Variants in EYS observed in about 807,000 individuals in gnomAD.
EYS encodes EGF-like photoreceptor maintenance factor.
In EYS, 250 loss-of-function variants were observed where a neutral mutation model predicts 282.1. The ratio of observed to expected loss-of-function variants is 0.89; its 90% CI spans 0.80 to 0.98. The LOEUF (loss-of-function observed/expected upper bound fraction) is 0.98, where lower values mean the gene tolerates loss of function less well. Among genes scored for constraint, EYS ranks in the 50% least tolerant of loss-of-function variants. The pLI is 0.00. For synonymous variants in EYS, 1,355 were observed against 1,282.9 expected (o/e 1.06, Z -1.20); for missense variants, 4,016 against 3,709.0 (o/e 1.08, Z -2.15).
intron 33 of EYS, among the ~76,000 whole-genome samples, chr6:64,062,712 A>G (rs957419721): frequency 2.7e-5 from 4 of 149,764 alleles, no homozygotes; most frequent in Non-Finnish European, 4.4e-5. Context: ...AAAAAAAAAG[A>G]AGAAGAAACT....
intron 31 of EYS, among the ~76,000 whole-genome samples, chr6:64,172,488 T>C (rs769317561): frequency 5.3e-5 from 8 of 152,172 alleles, no homozygotes; most frequent in Non-Finnish European, 8.8e-5. Context: ...GAATATAAAC[T>C]GGTGCAGGTG....
intron 13 of EYS, among the ~76,000 whole-genome samples, chr6:65,003,176 A>C (rs1031766935): frequency 2.7e-5 from 4 of 147,726 alleles, no homozygotes; most frequent in African/African-American, 9.7e-5. Context: ...GGAGAAATAT[A>C]GCTGAATTCT....
intron 22 of EYS, among the ~76,000 whole-genome samples, chr6:64,690,205 C>G (rs1394065840): frequency 2.6e-5 from 4 of 151,990 alleles, no homozygotes; most frequent in Non-Finnish European, 4.4e-5. Context: ...GACATTTATG[C>G]AGCCAACAAA....
intron 37 of EYS, among the ~76,000 whole-genome samples, chr6:63,794,686 T>C (rs964496810): frequency 6.6e-6 from 1 of 152,192 alleles, no homozygotes; most frequent in Non-Finnish European, 1.5e-5. Flanking sequence ...CTTTGGGAAA[T>C]ATATGAGCAA....
intron 12 of EYS, among the ~76,000 whole-genome samples, chr6:65,209,796 T>C (rs565147): frequency 0.024 from 3,690 of 152,016 alleles, 134 homozygotes; most frequent in African/African-American, 0.085. Context: ...GCTAACAATT[T>C]CAGAGACCTA....
At chr6:64,107,285 TTATATATATATATATA>T (rs55756711) in intron 31 of EYS, among the ~76,000 whole-genome samples, 6 of 101,508 alleles carry the variant, frequency 5.9e-5, no homozygotes, top group Non-Finnish European at 8.0e-5. Flanking sequence ...ATATATATAT[TTATATATATATATATA>T]TATATATATA....
chr6:65,663,865 T>TA, intron 1 of EYS, among the ~76,000 whole-genome samples: 1 of 119,094 alleles, frequency 8.4e-6, no homozygotes, highest in South Asian at 2.6e-4. Context: ...TTTTTTCTTT[T>TA]CTTTTTTTTT....
chr6:65,160,522 T>C (rs1203630839), intron 12 of EYS, among the ~76,000 whole-genome samples: 1 of 150,798 alleles, frequency 6.6e-6, no homozygotes, highest in Non-Finnish European at 1.5e-5. Flanking sequence ...TATCTTTTGT[T>C]TGACTACTTG....
intron 35 of EYS, among the ~76,000 whole-genome samples, chr6:63,867,960 A>G (rs1296364105): frequency 6.6e-6 from 1 of 152,184 alleles, no homozygotes; most frequent in African/African-American, 2.4e-5. Context: ...GATGGGCATT[A>G]GTTATTATTG....
intron 35 of EYS, among the ~76,000 whole-genome samples, chr6:63,866,090 G>T (rs1772665322): frequency 6.6e-6 from 1 of 152,114 alleles, no homozygotes; most frequent in South Asian, 2.1e-4. Context: ...CCCCTAAGAT[G>T]GTTATAAAGT....
chr6:63,867,181 CA>C (rs1253530841), intron 35 of EYS, among the ~76,000 whole-genome samples: 3 of 152,126 alleles, frequency 2.0e-5, no homozygotes, highest in Middle Eastern at 3.2e-3. Context: ...AAATAGTTTT[CA>C]AAACAGTGTC....
intron 12 of EYS, among the ~76,000 whole-genome samples, chr6:65,225,588 T>A (rs1766600821): frequency 6.6e-6 from 1 of 151,260 alleles, no homozygotes; most frequent in South Asian, 2.1e-4. Flanking sequence ...GTGGTGGGCA[T>A]CTGTAATCCC....
intron 26 of EYS, among the ~76,000 whole-genome samples, chr6:64,499,854 T>C (rs953884264): frequency 3.9e-5 from 6 of 152,180 alleles, no homozygotes; most frequent in African/African-American, 1.4e-4. Flanking sequence ...TATAGTTTGA[T>C]CATTTCTGCT....
At chr6:65,613,881 G>C (rs1766090685) in intron 2 of EYS, among the ~76,000 whole-genome samples, 1 of 151,548 alleles carries the variant, frequency 6.6e-6, no homozygotes, top group Admixed American at 6.6e-5. Context: ...TCATATGGAT[G>C]GTTTATGGTT....
At chr6:65,082,150 T>A (rs1394949552) in intron 12 of EYS, among the ~76,000 whole-genome samples, 1 of 152,058 alleles carries the variant, frequency 6.6e-6, no homozygotes, top group Non-Finnish European at 1.5e-5. Context: ...AAATTATCCA[T>A]ATAAATGTCA....
intron 1 of EYS, among the ~76,000 whole-genome samples, chr6:65,694,507 T>C (rs1469696365): frequency 2.0e-5 from 3 of 149,858 alleles, no homozygotes; most frequent in Admixed American, 6.7e-5. Context: ...ACTAAATTAC[T>C]CCTTCTTGAT....
intron 6 of EYS, among the ~76,000 whole-genome samples, chr6:65,403,812 T>G (rs1766610353): frequency 6.6e-6 from 1 of 152,218 alleles, no homozygotes; most frequent in Admixed American, 6.6e-5. Context: ...ATTAAGATTC[T>G]TTTAACTAGT....
At chr6:63,846,008 T>C (rs1772088970) in intron 36 of EYS, among the ~76,000 whole-genome samples, 1 of 152,186 alleles carries the variant, frequency 6.6e-6, no homozygotes, top group African/African-American at 2.4e-5. Context: ...GTGTTTATTA[T>C]AACAAGTCAT....
intron 2 of EYS, among the ~76,000 whole-genome samples, chr6:65,536,319 C>T (rs1412981198): frequency 7.3e-6 from 1 of 137,822 alleles, no homozygotes; most frequent in Non-Finnish European, 1.5e-5. Flanking sequence ...GAAGGAGTAG[C>T]AGAGATTTTT....
Sources: gnomAD v4.1 joint callset for allele counts (sites outside exome capture counted in the v4.1 genomes callset) on GRCh38, gnomAD v4.1.1 for gene constraint, MANE v1.5 for transcripts, NCBI Gene and HGNC (gene_info 2026-07-23, HGNC 2026-07-21) for gene names.